ATP2C2: variants seen among roughly 807,000 people sequenced by gnomAD.
ATP2C2 encodes the protein ATPase secretory pathway Ca2+ transporting 2.
ATP2C2 carries 171 observed loss-of-function variants against 110.8 expected under a neutral mutation model. The observed-to-expected ratio is 1.54, with a 90% CI of 1.36 to 1.75. The LOEUF (loss-of-function observed/expected upper bound fraction) is 1.75. ATP2C2 is among the 40% of genes most tolerant of loss of function. The pLI is 0.00. For missense variants in ATP2C2, 1,963 were observed against 1,235.0 expected (o/e 1.59, Z -8.84); for synonymous variants, 804 against 508.4 (o/e 1.58, Z -7.82).
At chr16:84,417,316 G>A (rs915187426) in intron 7 of ATP2C2, among the ~76,000 whole-genome samples, 5 of 152,148 alleles carry the variant, frequency 3.3e-5, no homozygotes, top group African/African-American at 4.8e-5. Context: ...CCTAGGGCGT[G>A]ACTCGGGGAA....
chr16:84,445,204 T>C (rs1909634237), intron 15 of ATP2C2, among the ~76,000 whole-genome samples: 1 of 149,296 alleles, frequency 6.7e-6, no homozygotes, highest in East Asian at 1.9e-4. Flanking sequence ...TGCGCAGCGT[T>C]TTCCTCTTTT....
Position 84,374,177 on chromosome 16 carries a change from G to T in ATP2C2, c.99+5463G>T, listed in dbSNP as rs566235158. Among the ~76,000 whole-genome samples, 23 of 152,314 alleles carry T rather than the reference G, an allele frequency of 1.5e-4. No homozygotes were observed. In the South Asian group the frequency reaches 2.1e-3, roughly 14 times the overall value. ...CGTACAAAGACTGGATTCATGTAAG[G>T]CACCTGCTTGTGACGTGACTACACT... On this transcript the variant is annotated intron_variant, in intron 1 of 26. Transcript: ENST00000262429.
Position 84,462,119 on chromosome 16 carries a change from G to C in ATP2C2, c.2712G>C (p.Leu904=). 1 of 1,613,308 alleles carries C rather than the reference G, an allele frequency of 6.2e-7. No individual in the cohort carries two copies. The highest frequency in any genetic ancestry group is 8.5e-7 in the Non-Finnish European group (1 of 1,179,548). The change falls in exon 26 of 27, where the codon CTG becomes CTC. Residue 904 remains leucine, a synonymous_variant. Coordinates refer to ENST00000262429, the MANE Select transcript of ATP2C2 (RefSeq NM_014861.4). ...PLQRVFQTEN[L]GALDLLFLTG... ...AGAGGGTCTTCCAGACGGAGAACCT[G>C]GGAGCGCTTGGTGAGTGGTGGGGAC...
rs781498627 is a variant in ATP2C2, at chr16:84,398,676, A to G, written c.210+67A>G. 12 of 1,320,042 alleles carry G rather than the reference A, an allele frequency of 9.1e-6. No individual in the cohort carries two copies. In the Admixed American group the frequency reaches 1.6e-4, roughly 18 times the overall value. 81.8% of individuals were successfully genotyped at this position (1,320,042 alleles called of 1,614,324 possible). On this transcript the variant is annotated intron_variant, in intron 2 of 26. Coordinates refer to ENST00000262429, the MANE Select transcript of ATP2C2 (RefSeq NM_014861.4). ...TTTATGTTTAAAAGAAAGCAACACA[A>G]AGCCCTGAACAGTGCTTTGAAATTC...
At chr16:84,452,642 G>T (rs1246314645) in intron 18 of ATP2C2, among the ~76,000 whole-genome samples, 1 of 151,876 alleles carries the variant, frequency 6.6e-6, no homozygotes, top group Non-Finnish European at 1.5e-5. Context: ...GGGACTACAG[G>T]CACCCACCAC....
At chr16:84,439,765 A>G (rs949978405) in intron 13 of ATP2C2, among the ~76,000 whole-genome samples, 8 of 152,212 alleles carry the variant, frequency 5.3e-5, no homozygotes, top group African/African-American at 1.9e-4. Context: ...AGCACATTGC[A>G]AAATTTAAAA....
Position 84,422,383 on chromosome 16 carries a change from C to A in ATP2C2, c.625-7C>A, listed in dbSNP as rs757101778. 2 of 1,612,868 alleles carry A rather than the reference C, an allele frequency of 1.2e-6. No homozygotes were observed. The highest frequency in any genetic ancestry group is 1.3e-5 in the African/African-American group (1 of 74,816). ...GATTCCACAGCCTTTTCCCCTTGCT[C>A]TCCTAGGTCACGGACCTCTTGGTGG... On this transcript the variant is annotated splice_polypyrimidine_tract_variant and splice_region_variant and intron_variant, in intron 7 of 26. Coordinates refer to ENST00000262429, the MANE Select transcript of ATP2C2 (RefSeq NM_014861.4).
chr16:84,424,773 C>G (rs1907663398), intron 10 of ATP2C2, among the ~76,000 whole-genome samples: 1 of 152,048 alleles, frequency 6.6e-6, no homozygotes, highest in Non-Finnish European at 1.5e-5. Flanking sequence ...TGGCCGTTTT[C>G]AAGCTACTAA....
chr16:84,452,497 C>CG (rs551365326), intron 18 of ATP2C2, among the ~76,000 whole-genome samples: 4 of 118,360 alleles, frequency 3.4e-5, no homozygotes, highest in African/African-American at 1.3e-4. Context: ...CCTCTAGTTA[C>CG]TTTTTTTTTT....
At chr16:84,425,501 C>T (rs899132739) in intron 10 of ATP2C2, among the ~76,000 whole-genome samples, 15 of 152,030 alleles carry the variant, frequency 9.9e-5, no homozygotes, top group Admixed American at 3.3e-4. Flanking sequence ...ACTGATTGAG[C>T]CTTTTACTTA....
Position 84,392,720 on chromosome 16 carries a change from C to G in ATP2C2, c.100-5779C>G, listed in dbSNP as rs368384515. ...TCAGGTGATCTGCCTGCCTTGGCCT[C>G]TCAAAGTGCTGGGATTACGGGCGTG... On this transcript the variant is annotated intron_variant, in intron 1 of 26. Transcript: ENST00000262429. Among the ~76,000 whole-genome samples, 11 of 152,306 alleles carry G rather than the reference C, an allele frequency of 7.2e-5. No individual in the cohort carries two copies. In the East Asian group the frequency reaches 1.7e-3, roughly 24 times the overall value.
intron 7 of ATP2C2, among the ~76,000 whole-genome samples, chr16:84,421,606 C>T (rs1009720070): frequency 6.6e-6 from 1 of 151,984 alleles, no homozygotes; most frequent in Non-Finnish European, 1.5e-5. Context: ...CGGTTCTGGC[C>T]CTGGGAGCCT....
Position 84,408,485 on chromosome 16 carries a change from C to A in ATP2C2, c.408C>A (p.Ser136Arg). 2 of 1,612,980 alleles carry A rather than the reference C, an allele frequency of 1.2e-6. No homozygotes were observed. Among genetic ancestry groups the A allele is most frequent in the Non-Finnish European group, 1.7e-6 (2 of 1,179,902 alleles). ...CCAAGGAGTATGAGGACGCCGTCAG[C>A]ATCGCCACGGTGAGTTCCCTGACAG... is the stretch of plus-strand genomic sequence containing the variant. The part of the protein sequence containing the change: ...VLTKEYEDAV[S>R]IATAVLVVVT... The change falls in exon 4 of 27, where the codon AGC (serine) becomes AGA (arginine). Residue 136 changes from serine to arginine, a missense_variant. Coordinates refer to ENST00000262429, the MANE Select transcript of ATP2C2 (RefSeq NM_014861.4).
intron 11 of ATP2C2, among the ~76,000 whole-genome samples, chr16:84,435,301 C>G (rs979384750): frequency 1.8e-4 from 28 of 152,174 alleles, no homozygotes; most frequent in African/African-American, 6.0e-4. Context: ...CTGAGCTCTG[C>G]CCAAAATAAT....
At chr16:84,404,641 A>C (rs1004664803) in intron 2 of ATP2C2, 4 of 270,918 alleles carry the variant, frequency 1.5e-5, no homozygotes, top group African/African-American at 6.7e-5. Context: ...GCTTTTGTGA[A>C]CAGTGCTACG....
At chr16:84,415,348 A>C in intron 6 of ATP2C2, 135 bp from the exon 7 acceptor site, 1 of 722,586 alleles carries the variant, frequency 1.4e-6, no homozygotes, top group Non-Finnish European at 2.4e-6. Context: ...TCAAAATAAT[A>C]ACACCCCAAA....
In ATP2C2 at chr16:84,412,572, G is replaced by A. The variant is rs1004912394; in HGVS notation, c.515+1807G>A. Among the ~76,000 whole-genome samples the A allele has an allele frequency of 2.8e-4, 40 of 141,284 alleles. 1 individual carries two copies. Among genetic ancestry groups the A allele is most frequent in the African/African-American group, 1.0e-3 (40 of 39,026 alleles). 92.7% of individuals were successfully genotyped at this position (141,284 alleles called of 152,430 possible). A position where few individuals can be genotyped will look rare whatever the true frequency, so the allele number is the denominator to read the frequency against. ...CGTGTGTGTGTGTGTGTGTGTGTAT[G>A]TGTGTGTGTGGAGATGGGGTTTCAC... On this transcript the variant is annotated intron_variant, in intron 6 of 26. Coordinates refer to ENST00000262429, the MANE Select transcript of ATP2C2 (RefSeq NM_014861.4).
chr16:84,458,953 C>G (rs919422), intron 21 of ATP2C2, among the ~76,000 whole-genome samples, 167 bp from the exon 22 acceptor site: 3 of 151,884 alleles, frequency 2.0e-5, no homozygotes, highest in South Asian at 4.2e-4. Context: ...TAGAACACCA[C>G]CGTCTCCTAC....
chr16:84,423,163 T>C, intron 9 of ATP2C2, 25 bp from the exon 10 acceptor site: 1 of 1,604,706 alleles, frequency 6.2e-7, no homozygotes, highest in Non-Finnish European at 8.5e-7. Context: ...CTTGTCCAAC[T>C]AACCCATTGT....
Sources: gnomAD v4.1 joint callset for allele counts (sites outside exome capture counted in the v4.1 genomes callset) on GRCh38, gnomAD v4.1.1 for gene constraint, MANE v1.5 for transcripts, NCBI Gene and HGNC (gene_info 2026-07-23, HGNC 2026-07-21) for gene names.